Variants in THADA observed in about 807,000 individuals in gnomAD.
THADA encodes tRNA (32-2'-O)-methyltransferase regulator THADA.
THADA carries 213 observed loss-of-function variants against 219.8 expected under a neutral mutation model. The ratio of observed to expected loss-of-function variants is 0.97; its 90% CI spans 0.87 to 1.09. The LOEUF (loss-of-function observed/expected upper bound fraction) is 1.09. Ranked by LOEUF, THADA falls within the 50% of genes least tolerant of loss-of-function variation. THADA has a pLI of 0.00. For synonymous variants in THADA, 1,018 were observed against 828.9 expected, an observed-to-expected ratio of 1.23 and a Z score of -3.92; for missense variants, 2,956 against 2,311.3, an observed-to-expected ratio of 1.28 and a Z score of -5.72.
At chr2:43,480,771 T>A (rs552146473) in intron 26 of THADA, among the ~76,000 whole-genome samples, 1 of 148,458 alleles carries the variant, frequency 6.7e-6, no homozygotes, top group Admixed American at 6.8e-5. Flanking sequence ...TGAGTTGAGA[T>A]CCTGCCATTC....
intron 22 of THADA, among the ~76,000 whole-genome samples, chr2:43,511,825 A>G (rs1011141976): frequency 6.6e-6 from 1 of 152,194 alleles, no homozygotes; most frequent in Non-Finnish European, 1.5e-5. Flanking sequence ...ACATGGGATC[A>G]GTACAGTGTC....
intron 35 of THADA, 107 bp from the exon 36 acceptor site, chr2:43,280,003 G>T: frequency 9.0e-7 from 1 of 1,117,216 alleles, no homozygotes; most frequent in Non-Finnish European, 1.2e-6. Context: ...ATGAGTTACA[G>T]CTATCTCTTT....
In THADA at chr2:43,477,338, G is replaced by T. The variant is rs543667259; in HGVS notation, c.3836+7896C>A. Among the ~76,000 whole-genome samples the T allele has an allele frequency of 2.0e-5, 3 of 152,250 alleles. No homozygotes were observed. The East Asian group carries it at 5.8e-4, about 29-fold the overall frequency. ...ATACTGCATGCTATATCCCACTCTT[G>T]ATGATTCTCAAAACACATTATAGCA... is the stretch of plus-strand genomic sequence containing the variant. On this transcript the variant is annotated intron_variant, in intron 26 of 37. Transcript: ENST00000405975.
chr2:43,366,566 G>A (rs1446034569), intron 29 of THADA, among the ~76,000 whole-genome samples: 1 of 152,160 alleles, frequency 6.6e-6, no homozygotes, highest in Non-Finnish European at 1.5e-5. Context: ...ACACAGTGGA[G>A]GAATATAAAT....
At chr2:43,355,010 T>A (rs964654677) in intron 29 of THADA, among the ~76,000 whole-genome samples, 2 of 152,200 alleles carry the variant, frequency 1.3e-5, no homozygotes, top group East Asian at 3.9e-4. Context: ...TTAAGTTTCC[T>A]GAGGTCTCCT....
chr2:43,237,397 ATTTTTTT>A (rs70963388), intron 36 of THADA, among the ~76,000 whole-genome samples: 3 of 132,264 alleles, frequency 2.3e-5, no homozygotes, highest in Non-Finnish European at 3.1e-5. Context: ...AACTCATTTG[ATTTTTTT>A]TTTTTTTTTT....
chr2:43,325,195 C>A (rs1181742792), intron 30 of THADA, among the ~76,000 whole-genome samples: 1 of 152,034 alleles, frequency 6.6e-6, no homozygotes, highest in South Asian at 2.1e-4. Flanking sequence ...TTCCCAGACA[C>A]GTCCACAAAA....
chr2:43,257,560 C>T (rs886637859), intron 36 of THADA, among the ~76,000 whole-genome samples: 2 of 152,218 alleles, frequency 1.3e-5, no homozygotes, highest in African/African-American at 4.8e-5. Flanking sequence ...ATCCCATTCC[C>T]CACTTCCTCC....
At chr2:43,407,174 T>C (rs1183966131) in intron 28 of THADA, among the ~76,000 whole-genome samples, 1 of 152,208 alleles carries the variant, frequency 6.6e-6, no homozygotes, top group Admixed American at 6.5e-5. Flanking sequence ...ACTCACACCA[T>C]TATCCTTTAG....
chr2:43,557,995 TAGAA>T (rs1558968898), intron 16 of THADA, among the ~76,000 whole-genome samples: 1 of 152,202 alleles, frequency 6.6e-6, no homozygotes, highest in African/African-American at 2.4e-5. Flanking sequence ...AAATAAGTAT[TAGAA>T]AGAACCAATT....
intron 2 of THADA, 57 bp from the exon 3 acceptor site, chr2:43,592,103 C>G (rs1391376252): frequency 2.3e-5 from 32 of 1,376,576 alleles, no homozygotes; most frequent in Non-Finnish European, 3.0e-5. Context: ...TTAACTTTGC[C>G]TTTGTTGTGC....
rs946245138 is a variant in THADA, at chr2:43,555,789, A to G, written c.2674+556T>C. 2.6e-5 allele frequency among the ~76,000 whole-genome samples: 4 copies of G among 152,218 alleles called. No homozygotes were observed. In the East Asian group the frequency reaches 7.7e-4, roughly 29 times the overall value. ...TGATCTCCCTTTTCCTATTAAAAAA[A>G]AATCCTTATCTGTCCTTATTTCTAG... On this transcript the variant is annotated intron_variant, in intron 17 of 37. Coordinates refer to ENST00000405975, the MANE Select transcript of THADA (RefSeq NM_022065.5).
intron 30 of THADA, among the ~76,000 whole-genome samples, chr2:43,321,742 G>A (rs987047630): frequency 6.6e-6 from 1 of 152,198 alleles, no homozygotes; most frequent in African/African-American, 2.4e-5. Flanking sequence ...GAGTCACTGT[G>A]AGTGTTCAAT....
intron 20 of THADA, among the ~76,000 whole-genome samples, chr2:43,545,628 C>G (rs1022009860): frequency 9.9e-5 from 15 of 152,102 alleles, no homozygotes; most frequent in Non-Finnish European, 2.2e-4. Flanking sequence ...AGGAATTTAT[C>G]CATTTCTTCT....
At position 43,398,019 on chromosome 2, in the gene THADA, G is replaced by A. The variant is rs746392384; in HGVS notation, c.4179C>T (p.Cys1393=). 10 of 1,614,028 alleles carry A rather than the reference G, an allele frequency of 6.2e-6. No individual in the cohort carries two copies. Among genetic ancestry groups the A allele is most frequent in the Non-Finnish European group, 8.5e-6 (10 of 1,179,870 alleles). The change falls in exon 29 of 38, where the codon TGC becomes TGT. Residue 1393 remains cysteine (C), a synonymous_variant. Transcript: ENST00000405975. ...GGTTTTGCCGGAAACACTGGTCAGT[G>A]CAGCTGGGGAGTGTGGACAACAGAG... is the stretch of plus-strand genomic sequence containing the variant. The part of the protein sequence containing the change: ...IRTLLSTLPS[C]TDQCFRQNHI...
intron 29 of THADA, among the ~76,000 whole-genome samples, chr2:43,369,039 C>A (rs745727330): frequency 2.0e-5 from 3 of 152,228 alleles, no homozygotes; most frequent in Admixed American, 1.3e-4. Context: ...CCTACTTGAT[C>A]TTCATAAGAT....
At position 43,398,201 on chromosome 2, in the gene THADA, A is replaced by G. The variant is rs1224962436; in HGVS notation, c.4059-62T>C. On this transcript the variant is annotated intron_variant, in intron 28 of 37. Coordinates refer to ENST00000405975, the MANE Select transcript of THADA (RefSeq NM_022065.5). Reference sequence around the variant, plus strand: ...CATCTCCACATCTGTGACTTTGTATATACTTACATTCTATCTAGCATGGCC... The same window carrying G: ...CATCTCCACATCTGTGACTTTGTATGTACTTACATTCTATCTAGCATGGCC... 3.2e-6 allele frequency: 5 copies of G among 1,543,118 alleles called. No individual in the cohort carries two copies. In the Middle Eastern group the frequency reaches 5.2e-4, roughly 160 times the overall value.
At chr2:43,329,885 A>G (rs750939240) in intron 30 of THADA, among the ~76,000 whole-genome samples, 1 of 152,236 alleles carries the variant, frequency 6.6e-6, no homozygotes, top group Non-Finnish European at 1.5e-5. Context: ...TTATGTTGAT[A>G]GAGACTTCGT....
intron 29 of THADA, among the ~76,000 whole-genome samples, chr2:43,354,674 C>A (rs1438689310): frequency 6.6e-6 from 1 of 152,098 alleles, no homozygotes; most frequent in East Asian, 1.9e-4. Context: ...TATATTTTTG[C>A]AAATGTCAGG....
Sources: gnomAD v4.1 joint callset for allele counts (sites outside exome capture counted in the v4.1 genomes callset) on GRCh38, gnomAD v4.1.1 for gene constraint, MANE v1.5 for transcripts, NCBI Gene and HGNC (gene_info 2026-07-23, HGNC 2026-07-21) for gene names.